The following EPG5 variants were observed in gnomAD, a reference collection of about 807,000 sequenced individuals.
EPG5 encodes ectopic P granules protein 5 homolog.
A neutral mutation model predicts 302.7 loss-of-function variants in EPG5; 159 were observed. The ratio of observed to expected loss-of-function variants is 0.53; its 90% CI spans 0.46 to 0.60. EPG5 has a LOEUF of 0.60. EPG5 is among the 20% of genes least tolerant of loss of function. The pLI, the probability that EPG5 is intolerant of heterozygous loss-of-function variation, is 0.00. For synonymous variants in EPG5, 1,158 were observed against 1,136.8 expected, an observed-to-expected ratio of 1.02 and a Z score of -0.37; for missense variants, 2,896 against 3,092.4, an observed-to-expected ratio of 0.94 and a Z score of 1.51.
intron 16 of EPG5, among the ~76,000 whole-genome samples, chr18:45,920,486 A>G (rs1055628724): frequency 2.6e-5 from 4 of 152,224 alleles, no homozygotes; most frequent in African/African-American, 9.6e-5. Context: ...AAAGAAAAAA[A>G]GGCTTATTTG....
At chr18:45,812,822 G>A in the EPG5 span, among the ~76,000 whole-genome samples, 1 of 152,272 alleles carries the variant, frequency 6.6e-6, no homozygotes. Context: ...AACCCTAAAA[G>A]AAAACCTAGG....
chr18:45,944,742 G>A (rs1384200168), intron 7 of EPG5, among the ~76,000 whole-genome samples: 2 of 152,104 alleles, frequency 1.3e-5, no homozygotes, highest in African/African-American at 4.8e-5. Context: ...GTGACAGAAC[G>A]AGACTCCATC....
chr18:45,927,984 A>T (rs2050314033), intron 13 of EPG5, among the ~76,000 whole-genome samples: 1 of 152,114 alleles, frequency 6.6e-6, no homozygotes, highest in South Asian at 2.1e-4. Flanking sequence ...ACCTGAGGTT[A>T]GGAGTTCAAG....
At chr18:45,813,680 C>T in the EPG5 span, among the ~76,000 whole-genome samples, 1 of 151,140 alleles carries the variant, frequency 6.6e-6, no homozygotes, top group Non-Finnish European at 1.5e-5. Flanking sequence ...AAACCAAACA[C>T]TGCATGTTCT....
intron 42 of EPG5, 130 bp downstream of exon 42, chr18:45,857,723 T>C: frequency 1.6e-6 from 1 of 630,412 alleles, no homozygotes; most frequent in Non-Finnish European, 2.7e-6. Flanking sequence ...TCTTTTTTTT[T>C]TTCCATTAAT....
intron 9 of EPG5, among the ~76,000 whole-genome samples, chr18:45,942,590 C>T (rs146443946): frequency 2.0e-5 from 3 of 151,752 alleles, no homozygotes; most frequent in African/African-American, 4.8e-5. Flanking sequence ...GGCAAAAGAG[C>T]GAGACTCATC....
At chr18:45,875,587 A>G (rs1049309318) in intron 35 of EPG5, among the ~76,000 whole-genome samples, 6 of 152,174 alleles carry the variant, frequency 3.9e-5, no homozygotes, top group African/African-American at 1.4e-4. Flanking sequence ...GAAGACCTCT[A>G]GAAATTACCC....
the EPG5 span, among the ~76,000 whole-genome samples, chr18:45,836,663 G>A: frequency 2.0e-5 from 3 of 152,236 alleles, no homozygotes; most frequent in East Asian, 5.8e-4. Flanking sequence ...CAAGGAGGCA[G>A]TGAAACAGCC....
chr18:45,837,402 T>G, the EPG5 span: 1 of 1,360,446 alleles, frequency 7.4e-7, no homozygotes, highest in Non-Finnish European at 9.5e-7. Context: ...TCCTGGGGTT[T>G]CCAGGCTAGG....
chr18:45,857,342 C>T (rs1350281713), intron 42 of EPG5, among the ~76,000 whole-genome samples: 1 of 152,096 alleles, frequency 6.6e-6, no homozygotes, highest in Non-Finnish European at 1.5e-5. Flanking sequence ...AACTCCTGAC[C>T]TCAAGTGATC....
intron 40 of EPG5, among the ~76,000 whole-genome samples, chr18:45,859,450 C>T (rs190348954): frequency 2.2e-3 from 340 of 152,248 alleles, no homozygotes; most frequent in Non-Finnish European, 3.5e-3. Flanking sequence ...ATCCTTGCTC[C>T]GATACCCTCC....
At chr18:45,857,558 A>C (rs1339621301) in intron 42 of EPG5, among the ~76,000 whole-genome samples, 1 of 152,226 alleles carries the variant, frequency 6.6e-6, no homozygotes, top group Non-Finnish European at 1.5e-5. Context: ...GCTCAAAACC[A>C]AAAAGAAATC....
intron 29 of EPG5, among the ~76,000 whole-genome samples, chr18:45,885,150 C>G (rs2049190456): frequency 6.6e-6 from 1 of 152,042 alleles, no homozygotes; most frequent in Non-Finnish European, 1.5e-5. Flanking sequence ...ACCAGCCTGG[C>G]CAACGTGGTG....
intron 36 of EPG5, chr18:45,868,138 A>C (rs1380323648): frequency 6.6e-6 from 3 of 457,608 alleles, no homozygotes; most frequent in Non-Finnish European, 8.8e-6. Context: ...TCCCAAACTT[A>C]AGTGTGCATC....
rs1183786302 is a variant in EPG5 at position 45,934,822 on chromosome 18, C to T, written c.2244G>A (p.Lys748=). 1.9e-6 allele frequency: 3 copies of T among 1,613,254 alleles called. No homozygotes were observed. Among genetic ancestry groups the T allele is most frequent in the Non-Finnish European group, 2.5e-6 (3 of 1,179,724 alleles). The change falls in exon 11 of 44, where the codon AAG becomes AAA. Residue 748 remains lysine (K), a synonymous_variant. Transcript: ENST00000282041. ...LSSSLQPAQC[K]QQLQDPEHFT... is the part of the protein sequence containing the mutation. Reference sequence around the variant, plus strand: ...GCGGGGCTGTACCTTGGAGCTGCTGCTTGCACTGGGCGGGCTGCAGGGAGG... The same window carrying T: ...GCGGGGCTGTACCTTGGAGCTGCTGTTTGCACTGGGCGGGCTGCAGGGAGG...
the EPG5 span, chr18:45,837,650 G>A: frequency 6.6e-7 from 1 of 1,505,950 alleles, no homozygotes; most frequent in Non-Finnish European, 8.8e-7. Context: ...CTGGCGCGCG[G>A]GCGAGCCCTA....
intron 1 of EPG5, among the ~76,000 whole-genome samples, chr18:45,962,235 G>C (rs1208488300): frequency 6.6e-6 from 1 of 152,166 alleles, no homozygotes; most frequent in African/African-American, 2.4e-5. Context: ...TGATAGAAAG[G>C]AACTAGAGGT....
At chr18:45,946,466 C>T (rs544063139) in intron 7 of EPG5, among the ~76,000 whole-genome samples, 197 bp downstream of exon 7, 2 of 152,252 alleles carry the variant, frequency 1.3e-5, no homozygotes, top group South Asian at 4.1e-4. Flanking sequence ...TTTAATGACC[C>T]TATGGTTTAA....
chr18:45,830,380 A>G, the EPG5 span, among the ~76,000 whole-genome samples: 2 of 152,158 alleles, frequency 1.3e-5, no homozygotes, highest in East Asian at 1.9e-4. Context: ...TAGTGGGATC[A>G]TGATTGCAAT....
Sources: gnomAD v4.1 joint callset for allele counts (sites outside exome capture counted in the v4.1 genomes callset) on GRCh38, gnomAD v4.1.1 for gene constraint, MANE v1.5 for transcripts, NCBI Gene and HGNC (gene_info 2026-07-23, HGNC 2026-07-21) for gene names.